Variants in PAK4 observed in about 807,000 individuals in gnomAD.
PAK4 encodes serine/threonine-protein kinase PAK 4.
A neutral mutation model predicts 53.5 loss-of-function variants in PAK4; 49 were observed. The observed-to-expected ratio is 0.92, with a 90% CI of 0.73 to 1.16. The LOEUF (loss-of-function observed/expected upper bound fraction) is 1.16, where lower values mean the gene tolerates loss of function less well. Ranked by LOEUF, PAK4 falls within the 50% of genes most tolerant of loss-of-function variation. The pLI, the probability that PAK4 is intolerant of heterozygous loss-of-function variation, is 0.00. For synonymous variants in PAK4, 376 were observed against 375.6 expected (o/e 1.00, Z -0.01); for missense variants, 824 against 850.7 (o/e 0.97, Z 0.39).
chr19:39,128,179 G>A (rs533387315), intron 1 of PAK4, among the ~76,000 whole-genome samples: 6 of 152,308 alleles, frequency 3.9e-5, no homozygotes, highest in South Asian at 2.1e-4. Context: ...TAGTGTTAGC[G>A]CTGCCTCATA....
intron 1 of PAK4, among the ~76,000 whole-genome samples, chr19:39,143,790 T>C (rs574883472): frequency 2.0e-5 from 3 of 151,700 alleles, no homozygotes; most frequent in African/African-American, 4.9e-5. Context: ...TTTAAAATTA[T>C]TGTTTTAAAA....
intron 1 of PAK4, among the ~76,000 whole-genome samples, chr19:39,138,770 CTAAT>C (rs1383809220): frequency 6.6e-6 from 1 of 152,236 alleles, no homozygotes; most frequent in Non-Finnish European, 1.5e-5. Context: ...ATTTCAAGGG[CTAAT>C]TAAAGGTTTG....
intron 1 of PAK4, among the ~76,000 whole-genome samples, chr19:39,130,836 G>C (rs576869083): frequency 6.7e-6 from 1 of 150,344 alleles, no homozygotes; most frequent in African/African-American, 2.5e-5. Context: ...GTGACATCTG[G>C]TTTTCCCCTT....
At chr19:39,146,031 T>C (rs2073993679) in intron 1 of PAK4, among the ~76,000 whole-genome samples, 1 of 152,256 alleles carries the variant, frequency 6.6e-6, no homozygotes, top group Admixed American at 6.5e-5. Flanking sequence ...ATTTCATCCA[T>C]GCAAAGCCTT....
rs1484679973 is a variant in PAK4, at chr19:39,141,060, T to C, written c.-23+15141T>C. Among the ~76,000 whole-genome samples, 3 of 152,318 alleles carry C rather than the reference T, an allele frequency of 2.0e-5. No individual in the cohort carries two copies. In the East Asian group the frequency reaches 5.8e-4, roughly 29 times the overall value. ...TTTGCCATTACGATGAGGTCACATT[T>C]CCTTTGGTAAAATGTTGAACACCTT... On this transcript the variant is annotated intron_variant, in intron 1 of 8. Transcript: ENST00000358301.
In PAK4 at chr19:39,172,913, C is replaced by T. The variant is rs2074511479; in HGVS notation, c.205-5C>T. On this transcript the variant is annotated splice_polypyrimidine_tract_variant and splice_region_variant and intron_variant, in intron 2 of 8. Coordinates refer to ENST00000358301, the Ensembl canonical transcript of PAK4. ...GCCCCCACCCACCATTGCCTGGGAC[C>T]CCAGACCATCGTGCGGGGCAGCAAA... 6.6e-7 allele frequency: 1 copy of T among 1,524,768 alleles called. No homozygotes were observed. The highest frequency in any genetic ancestry group is 8.9e-7 in the Non-Finnish European group (1 of 1,129,312). 94.5% of individuals were successfully genotyped at this position (1,524,768 alleles called of 1,614,324 possible).
rs1412043916 is a variant in PAK4 at position 39,178,778 on chromosome 19, C to A, written c.*199C>A. 4 of 506,396 alleles carry A rather than the reference C, an allele frequency of 7.9e-6. No homozygotes were observed. Among genetic ancestry groups the A allele is most frequent in the Non-Finnish European group, 1.0e-5 (3 of 287,428 alleles). 31.4% of individuals were successfully genotyped at this position (506,396 alleles called of 1,614,324 possible). Reference sequence around the variant, plus strand: ...TGACTTTTAGAAAAACACAGGGACTCGTGGGAGCAAGCGAGGCTCCCAGGA... The same window carrying A: ...TGACTTTTAGAAAAACACAGGGACTAGTGGGAGCAAGCGAGGCTCCCAGGA... On this transcript the variant is annotated 3_prime_UTR_variant, in exon 9 of 9. Coordinates refer to ENST00000358301, the Ensembl canonical transcript of PAK4. This position sits in a 1 kb window ranked among gnomAD's most constrained non-coding sequence, Gnocchi z 4.4.
At chr19:39,140,164 C>T (rs1188452692) in intron 1 of PAK4, among the ~76,000 whole-genome samples, 5 of 152,116 alleles carry the variant, frequency 3.3e-5, no homozygotes, top group Non-Finnish European at 7.4e-5. Context: ...TCTTATCTCC[C>T]TTCCCCACCC....
At chr19:39,171,294 C>T (rs574093245) in intron 2 of PAK4, among the ~76,000 whole-genome samples, 10 of 151,486 alleles carry the variant, frequency 6.6e-5, no homozygotes, top group South Asian at 4.2e-4. Flanking sequence ...ATGCAACCTT[C>T]GCCTCCTGGG....
chr19:39,166,378 A>G (rs774012107), intron 1 of PAK4, among the ~76,000 whole-genome samples: 23 of 152,228 alleles, frequency 1.5e-4, no homozygotes, highest in Non-Finnish European at 3.2e-4. Context: ...CGGGAGGCGG[A>G]GGTTGCAGTG....
At chr19:39,144,669 C>T (rs1414004787) in intron 1 of PAK4, among the ~76,000 whole-genome samples, 1 of 152,204 alleles carries the variant, frequency 6.6e-6, no homozygotes, top group Non-Finnish European at 1.5e-5. Context: ...CCGGCTGCTT[C>T]CCGGCCTTTG....
At chr19:39,130,154 G>A (rs2073675538) in intron 1 of PAK4, among the ~76,000 whole-genome samples, 1 of 150,250 alleles carries the variant, frequency 6.7e-6, no homozygotes, top group Admixed American at 6.6e-5. Flanking sequence ...GAGGGGTCAG[G>A]GTGGGGTGGT....
At chr19:39,160,246 C>T (rs377193370) in intron 1 of PAK4, among the ~76,000 whole-genome samples, 8 of 152,356 alleles carry the variant, frequency 5.3e-5, no homozygotes, top group African/African-American at 1.4e-4. Context: ...CCGTGCCCTG[C>T]GCCTCCTCAG....
intron 2 of PAK4, among the ~76,000 whole-genome samples, chr19:39,172,227 G>A (rs2074494228): frequency 6.6e-6 from 1 of 151,982 alleles, no homozygotes; most frequent in African/African-American, 2.4e-5. Flanking sequence ...GCGCAGGGGG[G>A]CGGGGGTGGG....
chr19:39,165,469 TGCACC>T (rs2074357990), intron 1 of PAK4, among the ~76,000 whole-genome samples: 1 of 149,864 alleles, frequency 6.7e-6, no homozygotes, highest in East Asian at 2.0e-4. Context: ...GAGCTGAGAT[TGCACC>T]ACTGCACTCC....
chr19:39,162,105 G>A (rs944948579), intron 1 of PAK4, among the ~76,000 whole-genome samples: 9 of 152,032 alleles, frequency 5.9e-5, no homozygotes, highest in Non-Finnish European at 1.3e-4. Flanking sequence ...GACTACAGGC[G>A]CCTGCCACCA....
At chr19:39,177,338 C>G (rs1279311368) in intron 7 of PAK4, among the ~76,000 whole-genome samples, 2 of 152,170 alleles carry the variant, frequency 1.3e-5, no homozygotes, top group Non-Finnish European at 2.9e-5. Flanking sequence ...GGGTCCTGTG[C>G]CTGTTTCTGA....
chr19:39,180,405 A>G (rs1361518800), downstream of PAK4: 1 of 152,116 alleles, frequency 6.6e-6, no homozygotes, highest in Non-Finnish European at 1.5e-5. Flanking sequence ...ACACTCCAGA[A>G]TAAATAAAAG....
intron 1 of PAK4, among the ~76,000 whole-genome samples, chr19:39,158,814 T>C (rs985167201): frequency 2.6e-5 from 4 of 152,068 alleles, no homozygotes; most frequent in African/African-American, 4.8e-5. Flanking sequence ...AGACCTGTTA[T>C]CAGACAATAA....
Sources: allele counts gnomAD v4.1 joint callset (sites outside exome capture counted in the v4.1 genomes callset), GRCh38; gene constraint gnomAD v4.1.1; non-coding constraint Gnocchi (gnomAD v3.1); transcripts MANE v1.5; gene names NCBI Gene and HGNC (gene_info 2026-07-23, HGNC 2026-07-21).